COX10: variants seen among roughly 807,000 people sequenced by gnomAD.
The protein encoded by COX10 is protoheme IX farnesyltransferase, mitochondrial.
COX10 carries 27 observed loss-of-function variants against 37.3 expected under a neutral mutation model. The observed-to-expected ratio is 0.72, with a 90% CI of 0.53 to 1.00. The LOEUF is 1.00. Among genes scored for constraint, COX10 ranks in the 50% least tolerant of loss-of-function variants. COX10 has a pLI of 0.00. For synonymous variants in COX10, 222 were observed against 229.1 expected, an observed-to-expected ratio of 0.97 and a Z score of 0.28; for missense variants, 475 against 563.2, an observed-to-expected ratio of 0.84 and a Z score of 1.59.
At chr17:14,160,378 A>G (rs547522113) in intron 5 of COX10, among the ~76,000 whole-genome samples, 1 of 152,188 alleles carries the variant, frequency 6.6e-6, no homozygotes, top group Non-Finnish European at 1.5e-5. Context: ...TGCCTCCATC[A>G]CTCTCCACCA....
At chr17:14,113,926 C>T (rs1916057314) in intron 4 of COX10, among the ~76,000 whole-genome samples, 1 of 152,130 alleles carries the variant, frequency 6.6e-6, no homozygotes, top group Non-Finnish European at 1.5e-5. Context: ...TATCTATTCC[C>T]ATGTGAGGCG....
At position 14,135,768 on chromosome 17, in the gene COX10, C is replaced by T. The variant is rs149058312; in HGVS notation, c.625-24109C>T. 4.4e-3 allele frequency among the ~76,000 whole-genome samples: 668 copies of T among 151,946 alleles called. 1 individual carries two copies. The highest frequency in any genetic ancestry group is 6.7e-3 in the Admixed American group (102 of 15,216). The stretch of plus-strand genomic sequence containing the variant: ...TTGGAATTTTTAGATTTCAACATTG[C>T]AATTCAGTAATACCTGTGCTCTGCA... On this transcript the variant is annotated intron_variant, in intron 4 of 6. Transcript: ENST00000261643.
intron 4 of COX10, among the ~76,000 whole-genome samples, chr17:14,137,738 G>A (rs967257275): frequency 6.6e-6 from 1 of 151,824 alleles, no homozygotes; most frequent in Non-Finnish European, 1.5e-5. Context: ...ACTAATAAAT[G>A]GTAGAAAAAT....
intron 2 of COX10, among the ~76,000 whole-genome samples, chr17:14,074,908 C>T (rs1446251070): frequency 1.3e-5 from 2 of 152,142 alleles, no homozygotes; most frequent in Admixed American, 6.5e-5. Context: ...AACAATTCGA[C>T]AGTTTTTATA....
In COX10 at chr17:14,180,682, C is replaced by G. The variant is rs932186216; in HGVS notation, c.696-11307C>G. Among the ~76,000 whole-genome samples the G allele has an allele frequency of 2.0e-5, 3 of 152,168 alleles. No homozygotes were observed. The East Asian group carries it at 5.8e-4, about 29-fold the overall frequency. On this transcript the variant is annotated intron_variant, in intron 5 of 6. Coordinates refer to ENST00000261643, the MANE Select transcript of COX10 (RefSeq NM_001303.4). The stretch of plus-strand genomic sequence containing the variant: ...GAGTTAACTGTCATAGTAACTTAGT[C>G]TATCACTTGTAGCCAATTAAAACAT...
At chr17:14,133,384 G>T in intron 4 of COX10, among the ~76,000 whole-genome samples, 1 of 151,618 alleles carries the variant, frequency 6.6e-6, no homozygotes, top group South Asian at 2.1e-4. Context: ...TAGTTTTGAA[G>T]AAATATAATA....
intron 4 of COX10, among the ~76,000 whole-genome samples, chr17:14,137,983 A>G (rs1252847288): frequency 7.0e-6 from 1 of 143,732 alleles, no homozygotes; most frequent in Non-Finnish European, 1.5e-5. Flanking sequence ...CCATATTTCT[A>G]CAACCTAGCA....
At chr17:14,100,826 G>T (rs113178685) in intron 3 of COX10, among the ~76,000 whole-genome samples, 1 of 79,140 alleles carries the variant, frequency 1.3e-5, no homozygotes, top group South Asian at 4.6e-4. Context: ...AGGGGGTAAA[G>T]CTCTTATGGC....
intron 3 of COX10, among the ~76,000 whole-genome samples, chr17:14,088,089 T>G (rs1428139937): frequency 6.6e-6 from 1 of 152,206 alleles, no homozygotes; most frequent in Non-Finnish European, 1.5e-5. Context: ...TCACCCTGGC[T>G]TCTGTCCTTG....
At chr17:14,150,864 C>T (rs1400820544) in intron 4 of COX10, among the ~76,000 whole-genome samples, 1 of 152,172 alleles carries the variant, frequency 6.6e-6, no homozygotes, top group East Asian at 1.9e-4. Context: ...CTGTTTACTA[C>T]AGCATATTAC....
intron 4 of COX10, among the ~76,000 whole-genome samples, chr17:14,146,977 C>T (rs2142230084): frequency 6.6e-6 from 1 of 152,132 alleles, no homozygotes. Flanking sequence ...TGGCTTGTAT[C>T]CAAAGGCAGG....
intron 5 of COX10, chr17:14,179,099 GC>G: frequency 5.2e-6 from 1 of 191,726 alleles, no homozygotes; most frequent in East Asian, 1.9e-4. Flanking sequence ...TATAATTAAA[GC>G]CAAAGAGATT....
rs574515443 is a variant in COX10 at position 14,147,770 on chromosome 17, A to G, written c.625-12107A>G. ...TACCCCATGTACCTACTACGTACCT[A>G]TAAAAATTAAAACAATTTAAAAAAA... On this transcript the variant is annotated intron_variant, in intron 4 of 6. Transcript: ENST00000261643. Among the ~76,000 whole-genome samples the G allele has an allele frequency of 1.6e-4, 24 of 149,304 alleles. No homozygotes were observed. In the East Asian group the frequency reaches 4.3e-3, roughly 27 times the overall value.
At chr17:14,126,153 T>C (rs190178068) in intron 4 of COX10, among the ~76,000 whole-genome samples, 31 of 152,286 alleles carry the variant, frequency 2.0e-4, no homozygotes, top group African/African-American at 7.5e-4. Flanking sequence ...TTTCATTACT[T>C]TCTATTTATT....
chr17:14,113,699 C>T (rs1916053421), intron 4 of COX10, among the ~76,000 whole-genome samples: 1 of 152,126 alleles, frequency 6.6e-6, no homozygotes, highest in African/African-American at 2.4e-5. Context: ...GAGTATGTTA[C>T]TGCTTTAGCA....
chr17:14,190,105 C>A (rs1381062089), intron 5 of COX10, among the ~76,000 whole-genome samples: 1 of 152,118 alleles, frequency 6.6e-6, no homozygotes, highest in Non-Finnish European at 1.5e-5. Flanking sequence ...GAGGGAAGGG[C>A]ATCTGTTAAG....
intron 6 of COX10, among the ~76,000 whole-genome samples, chr17:14,195,292 AT>A (rs1231462896): frequency 1.3e-5 from 2 of 152,144 alleles, no homozygotes; most frequent in African/African-American, 4.8e-5. Context: ...TTTTAAACAG[AT>A]TTTTATTGCT....
At chr17:14,155,559 C>CA (rs1905020251) in intron 4 of COX10, among the ~76,000 whole-genome samples, 1 of 151,726 alleles carries the variant, frequency 6.6e-6, no homozygotes, top group African/African-American at 2.4e-5. Flanking sequence ...ATTAAAAATA[C>CA]AAAAAATTAG....
At chr17:14,100,444 A>C (rs1915751387) in intron 3 of COX10, among the ~76,000 whole-genome samples, 1 of 152,154 alleles carries the variant, frequency 6.6e-6, no homozygotes, top group Non-Finnish European at 1.5e-5. Flanking sequence ...TGAGCGAGGG[A>C]GTAACTGGGG....
Sources: gnomAD v4.1 joint callset for allele counts (sites outside exome capture counted in the v4.1 genomes callset) on GRCh38, gnomAD v4.1.1 for gene constraint, MANE v1.5 for transcripts, NCBI Gene and HGNC (gene_info 2026-07-23, HGNC 2026-07-21) for gene names.